ATXN7L1: variants seen among roughly 807,000 people sequenced by gnomAD.
ATXN7L1 encodes ataxin-7-like protein 1.
ATXN7L1 carries 15 observed loss-of-function variants against 70.8 expected under a neutral mutation model. The observed-to-expected ratio is 0.21, with a 90% CI of 0.14 to 0.33. The LOEUF (loss-of-function observed/expected upper bound fraction) is 0.33, where lower values mean the gene tolerates loss of function less well. ATXN7L1 is among the 10% of genes least tolerant of loss of function. The pLI is 1.00. For synonymous variants in ATXN7L1, 440 were observed against 445.1 expected (o/e 0.99, Z 0.14); for missense variants, 975 against 1,097.1 (o/e 0.89, Z 1.57).
chr7:105,820,183 C>A (rs1243977116), intron 2 of ATXN7L1: 1 of 276,912 alleles, frequency 3.6e-6, no homozygotes, highest in Non-Finnish European at 6.9e-6. Context: ...ATGTCCTTCA[C>A]CCCATCTGTT....
chr7:105,786,696 T>A (rs1369401273), intron 3 of ATXN7L1, among the ~76,000 whole-genome samples: 1 of 151,658 alleles, frequency 6.6e-6, no homozygotes, highest in Non-Finnish European at 1.5e-5. Flanking sequence ...ATTTTTTTTT[T>A]AAGAAATGGG....
At chr7:105,618,065 G>A (rs533624381) in intron 9 of ATXN7L1, 136 of 456,684 alleles carry the variant, frequency 3.0e-4, no homozygotes, top group Non-Finnish European at 5.5e-4. Flanking sequence ...CAGGGGGGAG[G>A]GACCTGATGC....
chr7:105,785,554 T>C (rs1026645303), intron 3 of ATXN7L1, among the ~76,000 whole-genome samples: 1 of 151,882 alleles, frequency 6.6e-6, no homozygotes, highest in African/African-American at 2.4e-5. Context: ...GCATTCTTAT[T>C]AACTTGTGGA....
At chr7:105,755,467 G>A (rs1799694394) in intron 3 of ATXN7L1, among the ~76,000 whole-genome samples, 1 of 152,160 alleles carries the variant, frequency 6.6e-6, no homozygotes, top group Non-Finnish European at 1.5e-5. Flanking sequence ...GTTTAGAGGA[G>A]GTGAGTTTGC....
At chr7:105,850,752 G>A (rs1225305743) in intron 2 of ATXN7L1, among the ~76,000 whole-genome samples, 1 of 152,140 alleles carries the variant, frequency 6.6e-6, no homozygotes, top group Non-Finnish European at 1.5e-5. Context: ...TCACTTGCCT[G>A]CAAGAGAGTC....
intron 3 of ATXN7L1, among the ~76,000 whole-genome samples, chr7:105,747,341 T>C (rs1798699187): frequency 6.6e-6 from 1 of 152,176 alleles, no homozygotes; most frequent in Admixed American, 6.5e-5. Context: ...TTCGGAGAAC[T>C]TCTGGATAGC....
chr7:105,723,303 T>A (rs1362647502), intron 3 of ATXN7L1, among the ~76,000 whole-genome samples: 3 of 152,214 alleles, frequency 2.0e-5, no homozygotes, highest in African/African-American at 7.2e-5. Context: ...TATTGAGAGT[T>A]CCTATTGCAA....
intron 3 of ATXN7L1, among the ~76,000 whole-genome samples, chr7:105,706,377 G>T (rs530060173): frequency 6.6e-6 from 1 of 152,024 alleles, no homozygotes; most frequent in African/African-American, 2.4e-5. Flanking sequence ...TGTATTTTTA[G>T]TAGAGATGGG....
chr7:105,740,371 C>A (rs1050109379), intron 3 of ATXN7L1, among the ~76,000 whole-genome samples: 2 of 152,176 alleles, frequency 1.3e-5, no homozygotes, highest in Non-Finnish European at 2.9e-5. Flanking sequence ...AGTTTAGTGA[C>A]GATCACAGAG....
intron 3 of ATXN7L1, among the ~76,000 whole-genome samples, chr7:105,767,243 C>T (rs892608349): frequency 1.3e-5 from 2 of 152,150 alleles, no homozygotes; most frequent in African/African-American, 4.8e-5. Flanking sequence ...GACACAGAAG[C>T]CCCCAAGATT....
At chr7:105,634,325 C>G (rs910864818) in intron 7 of ATXN7L1, among the ~76,000 whole-genome samples, 2 of 152,178 alleles carry the variant, frequency 1.3e-5, no homozygotes, top group African/African-American at 2.4e-5. Context: ...AAAATCCCAC[C>G]TTACCACTTT....
At chr7:105,664,575 G>GTGTGTATGTGTATATATA in intron 4 of ATXN7L1, among the ~76,000 whole-genome samples, 2 of 131,990 alleles carry the variant, frequency 1.5e-5, no homozygotes, top group African/African-American at 5.7e-5. Flanking sequence ...GTATGTGTGT[G>GTGTGTATGTGTATATATA]TATATATATA....
At chr7:105,631,205 A>T (rs1206825028) in intron 7 of ATXN7L1, among the ~76,000 whole-genome samples, 1 of 152,208 alleles carries the variant, frequency 6.6e-6, no homozygotes, top group East Asian at 1.9e-4. Flanking sequence ...TGATACAAGC[A>T]TATGAGATTT....
intron 2 of ATXN7L1, among the ~76,000 whole-genome samples, chr7:105,839,017 G>A (rs976898518): frequency 6.6e-6 from 1 of 152,178 alleles, no homozygotes; most frequent in African/African-American, 2.4e-5. Context: ...TGAAGAACTC[G>A]GGACTGCCCA....
In ATXN7L1 at chr7:105,876,596, GA is replaced by G; in HGVS notation, c.-39del. ...CCGACATTGAGTGTTCTGAAAGGGG[GA>G]GGGAGGGAGGAAGGGCGGGATGGGA... On this transcript the variant is annotated 5_prime_UTR_variant, in exon 1 of 12. Transcript: ENST00000419735. 1 of 1,361,736 alleles carries G rather than the reference GA, an allele frequency of 7.3e-7. No homozygotes were observed. Among genetic ancestry groups the G allele is most frequent in the Non-Finnish European group, 1.0e-6 (1 of 976,578 alleles). 84.4% of individuals were successfully genotyped at this position (1,361,736 alleles called of 1,614,324 possible).
At chr7:105,697,857 G>A (rs545568439) in intron 3 of ATXN7L1, among the ~76,000 whole-genome samples, 107 of 152,356 alleles carry the variant, frequency 7.0e-4, no homozygotes, top group Non-Finnish European at 1.2e-3. Flanking sequence ...TGGGGTCCCT[G>A]ACTTCCTGCA....
intron 7 of ATXN7L1, among the ~76,000 whole-genome samples, chr7:105,630,413 A>G (rs967361900): frequency 1.4e-4 from 21 of 152,358 alleles, no homozygotes; most frequent in African/African-American, 4.8e-4. Context: ...GGAATCTCTC[A>G]TTTTGCTTGC....
intron 3 of ATXN7L1, among the ~76,000 whole-genome samples, chr7:105,723,276 C>T (rs1253219220): frequency 1.3e-5 from 2 of 152,160 alleles, no homozygotes; most frequent in Non-Finnish European, 1.5e-5. Flanking sequence ...TCACTTTCCT[C>T]ATCTACAAAT....
At position 105,835,149 on chromosome 7, in the gene ATXN7L1, GTTT is replaced by G. The variant is rs10587073; in HGVS notation, c.250+40660_250+40662del. ...TTTTTTAATAATTTATAAGTGTGTG[GTTT>G]TTTTTTTTTTTTTTTTTTTTGAGAA... On this transcript the variant is annotated intron_variant, in intron 2 of 11. Transcript: ENST00000419735. Among the ~76,000 whole-genome samples, 141 of 67,322 alleles carry G rather than the reference GTTT, an allele frequency of 2.1e-3. 1 individual carries two copies. Among genetic ancestry groups the G allele is most frequent in the South Asian group, 4.7e-3 (6 of 1,288 alleles). The allele number at this position is 67,322 out of a possible 152,430, so 44.2% of individuals were successfully genotyped here.
Sources: allele counts gnomAD v4.1 joint callset (sites outside exome capture counted in the v4.1 genomes callset), GRCh38; gene constraint gnomAD v4.1.1; transcripts MANE v1.5; gene names NCBI Gene and HGNC (gene_info 2026-07-23, HGNC 2026-07-21).